The following REDIC1 variants were observed in gnomAD, a reference collection of about 807,000 sequenced individuals.
REDIC1 encodes regulator of DNA class I crossover intermediates 1.
At chr12:39,677,063 C>T in the REDIC1 span, among the ~76,000 whole-genome samples, 1 of 147,832 alleles carries the variant, frequency 6.8e-6, no homozygotes, top group Non-Finnish European at 1.5e-5. Context: ...CAGGCAACAA[C>T]TAACATGATG....
At chr12:39,710,981 G>C in the REDIC1 span, among the ~76,000 whole-genome samples, 25 of 150,884 alleles carry the variant, frequency 1.7e-4, no homozygotes, top group African/African-American at 5.1e-4. Context: ...TGTGAGACCG[G>C]TGCACCCATC....
chr12:39,833,945 G>A, the REDIC1 span, among the ~76,000 whole-genome samples: 6,561 of 150,218 alleles, frequency 0.044, 439 homozygotes, highest in African/African-American at 0.15. Flanking sequence ...AAAGTAGGTC[G>A]TAAGACCCTC....
chr12:39,898,665 T>C, the REDIC1 span, among the ~76,000 whole-genome samples: 15 of 152,138 alleles, frequency 9.9e-5, no homozygotes, highest in Non-Finnish European at 8.8e-5. Flanking sequence ...ATACAAGGCA[T>C]TGAGACCTTA....
the REDIC1 span, among the ~76,000 whole-genome samples, chr12:39,873,376 G>T: frequency 1.3e-5 from 2 of 152,246 alleles, no homozygotes; most frequent in East Asian, 1.9e-4. Context: ...TTCCATTTGT[G>T]CAGTGTTTTA....
the REDIC1 span, among the ~76,000 whole-genome samples, chr12:39,898,880 T>TA: frequency 1.3e-5 from 2 of 152,118 alleles, no homozygotes; most frequent in African/African-American, 4.8e-5. Context: ...CCCTTGTATA[T>TA]AAAATGGAAA....
At chr12:39,723,134 G>C in the REDIC1 span, among the ~76,000 whole-genome samples, 1 of 152,154 alleles carries the variant, frequency 6.6e-6, no homozygotes, top group Non-Finnish European at 1.5e-5. Flanking sequence ...ATCACTCCAT[G>C]AGAGAGGATG....
At chr12:39,766,185 C>G in the REDIC1 span, among the ~76,000 whole-genome samples, 1 of 152,030 alleles carries the variant, frequency 6.6e-6, no homozygotes, top group Non-Finnish European at 1.5e-5. Flanking sequence ...TTTGGATTAT[C>G]CTTTCAGTAT....
the REDIC1 span, among the ~76,000 whole-genome samples, chr12:39,771,277 C>T: frequency 3.7e-4 from 56 of 152,096 alleles, 1 homozygote; most frequent in East Asian, 7.9e-3. Flanking sequence ...GATTTGCTTC[C>T]GACCAACAGA....
At chr12:39,819,908 C>CA in the REDIC1 span, 1 of 152,786 alleles carries the variant, frequency 6.5e-6, no homozygotes, top group Admixed American at 6.5e-5. Context: ...TAGCATGTAG[C>CA]ACAATGTCAA....
At chr12:39,780,375 A>G in the REDIC1 span, among the ~76,000 whole-genome samples, 1 of 152,306 alleles carries the variant, frequency 6.6e-6, no homozygotes, top group Non-Finnish European at 1.5e-5. Context: ...GAATGGAAAA[A>G]GAGATGAAAT....
At chr12:39,731,607 C>A in the REDIC1 span, among the ~76,000 whole-genome samples, 1 of 152,144 alleles carries the variant, frequency 6.6e-6, no homozygotes, top group Non-Finnish European at 1.5e-5. Flanking sequence ...GGAGGTGTCT[C>A]CCAGTCAGGA....
chr12:39,750,406 A>G, the REDIC1 span, among the ~76,000 whole-genome samples: 10 of 152,230 alleles, frequency 6.6e-5, no homozygotes, highest in Non-Finnish European at 1.3e-4. Context: ...TCAATGAAAC[A>G]AAAGAGGACA....
At chr12:39,779,982 C>T in the REDIC1 span, among the ~76,000 whole-genome samples, 1 of 152,144 alleles carries the variant, frequency 6.6e-6, no homozygotes, top group African/African-American at 2.4e-5. Context: ...CTTTTCAATC[C>T]ATTTTATAGC....
chr12:39,860,378 G>C, the REDIC1 span, among the ~76,000 whole-genome samples: 2 of 152,220 alleles, frequency 1.3e-5, no homozygotes, highest in Non-Finnish European at 2.9e-5. Flanking sequence ...TTTACAAATA[G>C]ATTATGAATT....
At chr12:39,656,938 TA>T in the REDIC1 span, among the ~76,000 whole-genome samples, 1 of 152,184 alleles carries the variant, frequency 6.6e-6, no homozygotes, top group African/African-American at 2.4e-5. Flanking sequence ...TCAAAAAGTT[TA>T]AAAAATTAAA....
chr12:39,813,024 T>TTTTTTTTTTTTTTA, the REDIC1 span, among the ~76,000 whole-genome samples: 3 of 134,902 alleles, frequency 2.2e-5, no homozygotes, highest in East Asian at 6.6e-4. Flanking sequence ...TTTTTTTTTT[T>TTTTTTTTTTTTTTA]AGTAGAGATG....
chr12:39,837,361 A>G, the REDIC1 span, among the ~76,000 whole-genome samples: 1 of 138,562 alleles, frequency 7.2e-6, no homozygotes. Context: ...AAAGACTTAA[A>G]CGTTAGACCT....
the REDIC1 span, among the ~76,000 whole-genome samples, chr12:39,828,224 G>A: frequency 2.8e-4 from 43 of 152,216 alleles, no homozygotes; most frequent in Admixed American, 1.0e-3. Flanking sequence ...AAGGAGCACC[G>A]TTGCTCAGCA....
chr12:39,723,903 A>C, the REDIC1 span, among the ~76,000 whole-genome samples: 264 of 152,258 alleles, frequency 1.7e-3, no homozygotes, highest in African/African-American at 6.1e-3. Context: ...CAATTTGTTT[A>C]TAATTTCTTG....
Sources: gnomAD v4.1 joint callset for allele counts (sites outside exome capture counted in the v4.1 genomes callset) on GRCh38, gnomAD v4.1.1 for gene constraint, MANE v1.5 for transcripts, NCBI Gene and HGNC (gene_info 2026-07-23, HGNC 2026-07-21) for gene names.